The following PRTG variants were observed in gnomAD, a reference collection of about 807,000 sequenced individuals.
PRTG encodes protogenin.
PRTG carries 67 observed loss-of-function variants against 122.5 expected under a neutral mutation model. The observed-to-expected ratio is 0.55, with a 90% CI of 0.45 to 0.67. PRTG has a LOEUF of 0.67. Among genes scored for constraint, PRTG ranks in the 30% least tolerant of loss-of-function variants. The pLI, the probability that PRTG is intolerant of heterozygous loss-of-function variation, is 0.00. For missense variants in PRTG, 1,435 were observed against 1,415.4 expected (o/e 1.01, Z -0.22); for synonymous variants, 554 against 501.1 (o/e 1.11, Z -1.41).
At position 55,725,413 on chromosome 15, in the gene PRTG, A is replaced by G. The variant is rs139694284; in HGVS notation, c.397+14969T>C. Among the ~76,000 whole-genome samples, 132 of 152,246 alleles carry G rather than the reference A, an allele frequency of 8.7e-4. 1 individual carries two copies. The highest frequency in any genetic ancestry group is 2.9e-3 in the African/African-American group (122 of 41,548). On this transcript the variant is annotated intron_variant, in intron 2 of 19. Transcript: ENST00000389286. ...GTATAAGGTAAGCCTAGGCAACAAA[A>G]TAAGACCTTATCTCTATAAAAAATA... is the stretch of plus-strand genomic sequence containing the variant.
At chr15:55,676,992 G>A (rs1442306873) in intron 8 of PRTG, among the ~76,000 whole-genome samples, 5 of 152,076 alleles carry the variant, frequency 3.3e-5, no homozygotes, top group Non-Finnish European at 7.4e-5. Flanking sequence ...CCCATCCTTA[G>A]GTGTTTGAAT....
At chr15:55,663,607 T>C (rs1017195354) in intron 11 of PRTG, among the ~76,000 whole-genome samples, 3 of 151,734 alleles carry the variant, frequency 2.0e-5, no homozygotes, top group Non-Finnish European at 2.9e-5. Flanking sequence ...AATGGCGCTA[T>C]CTCAGCTCAC....
At chr15:55,669,807 G>C (rs1354233815) in intron 11 of PRTG, among the ~76,000 whole-genome samples, 3 of 152,170 alleles carry the variant, frequency 2.0e-5, no homozygotes, top group Non-Finnish European at 2.9e-5. Flanking sequence ...AGCTGCAAGA[G>C]GTCTCTGTTA....
chr15:55,703,198 A>G (rs2029957708), intron 2 of PRTG, among the ~76,000 whole-genome samples: 1 of 152,196 alleles, frequency 6.6e-6, no homozygotes, highest in Non-Finnish European at 1.5e-5. Flanking sequence ...TTTTACCACT[A>G]TTGAGTGCTA....
chr15:55,654,520 G>C (rs903833937), intron 11 of PRTG, among the ~76,000 whole-genome samples: 1 of 152,166 alleles, frequency 6.6e-6, no homozygotes, highest in South Asian at 2.1e-4. Flanking sequence ...GTTTAAAGTT[G>C]TTACATCAGA....
intron 13 of PRTG, among the ~76,000 whole-genome samples, chr15:55,639,421 G>A (rs2059277036): frequency 6.6e-6 from 1 of 152,152 alleles, no homozygotes; most frequent in Non-Finnish European, 1.5e-5. Flanking sequence ...ATGAGGCAAG[G>A]AAAATTTAAA....
At chr15:55,717,423 A>G (rs2030639413) in intron 2 of PRTG, among the ~76,000 whole-genome samples, 1 of 152,216 alleles carries the variant, frequency 6.6e-6, no homozygotes, top group South Asian at 2.1e-4. Flanking sequence ...CCTCTCCAGT[A>G]ATTCTACGCA....
chr15:55,730,982 G>A (rs1328808824), intron 2 of PRTG, among the ~76,000 whole-genome samples: 1 of 152,154 alleles, frequency 6.6e-6, no homozygotes, highest in East Asian at 1.9e-4. Context: ...GATATTGCAA[G>A]TGAAAGTAGG....
At chr15:55,640,949 CAACA>C (rs902180032) in intron 12 of PRTG, among the ~76,000 whole-genome samples, 160 bp downstream of exon 12, 29 of 151,694 alleles carry the variant, frequency 1.9e-4, no homozygotes, top group African/African-American at 6.8e-4. Context: ...ACCCGGGAGG[CAACA>C]AACAAACAAA....
At chr15:55,726,271 T>C (rs1185903393) in intron 2 of PRTG, among the ~76,000 whole-genome samples, 2 of 152,058 alleles carry the variant, frequency 1.3e-5, no homozygotes, top group Non-Finnish European at 2.9e-5. Context: ...GAGATGGGGT[T>C]TCACCTTGTG....
intron 1 of PRTG, 99 bp from the exon 2 acceptor site, chr15:55,740,783 A>G (rs2031584939): frequency 4.0e-6 from 4 of 994,006 alleles, no homozygotes; most frequent in Middle Eastern, 2.5e-4. Context: ...GTATGAGATG[A>G]CGAAGTTTAA....
chr15:55,658,982 C>A (rs1382905991), intron 11 of PRTG, among the ~76,000 whole-genome samples: 1 of 152,188 alleles, frequency 6.6e-6, no homozygotes, highest in East Asian at 1.9e-4. Context: ...GTGCTGCCTA[C>A]TGTGTGCACA....
chr15:55,643,889 G>T (rs2059306211), intron 11 of PRTG, among the ~76,000 whole-genome samples: 1 of 151,780 alleles, frequency 6.6e-6, no homozygotes, highest in Admixed American at 6.6e-5. Context: ...TTGGACACTG[G>T]GTCTCACTCT....
At chr15:55,718,502 A>G (rs1262649095) in intron 2 of PRTG, among the ~76,000 whole-genome samples, 3 of 151,584 alleles carry the variant, frequency 2.0e-5, no homozygotes, top group African/African-American at 7.3e-5. Context: ...TTTGACGGTA[A>G]TTTTCCTTTA....
chr15:55,742,998 C>T lies in PRTG; in HGVS notation c.-67G>A, dbSNP rs991017537. 7.2e-7 allele frequency: 1 copy of T among 1,386,878 alleles called. No individual in the cohort carries two copies. The highest frequency in any genetic ancestry group is 9.3e-7 in the Non-Finnish European group (1 of 1,075,356). The allele number at this position is 1,386,878 out of a possible 1,614,324, so 85.9% of individuals were successfully genotyped here. ...CCCTGTCCGTCTGCGGCCCCCGCCC[C>T]GGGCGCTCTCTGCTCTGCGGCTGGT... On this transcript the variant is annotated 5_prime_UTR_variant, in exon 1 of 20. Transcript: ENST00000389286.
chr15:55,669,999 G>A (rs1341502637), intron 11 of PRTG, among the ~76,000 whole-genome samples: 2 of 152,118 alleles, frequency 1.3e-5, no homozygotes, highest in Non-Finnish European at 2.9e-5. Flanking sequence ...ACAAGGGCAG[G>A]AATATATGAT....
At chr15:55,738,049 C>CACA (rs1291694386) in intron 2 of PRTG, among the ~76,000 whole-genome samples, 5 of 99,310 alleles carry the variant, frequency 5.0e-5, no homozygotes, top group African/African-American at 1.6e-4. Flanking sequence ...CACACACACA[C>CACA]ACCACACACA....
rs561201551 is a variant in PRTG at position 55,626,657 on chromosome 15, C to T, written c.2927+351G>A. 1.3e-4 allele frequency among the ~76,000 whole-genome samples: 19 copies of T among 151,000 alleles called. No homozygotes were observed. In the South Asian group the frequency reaches 2.9e-3, roughly 23 times the overall value. ...CCTGGAGTCCCAGCTACTCGAGAGA[C>T]TGAGGCAGGAGAATGGCATGAACCT... On this transcript the variant is annotated intron_variant, in intron 17 of 19. Coordinates refer to ENST00000389286, the MANE Select transcript of PRTG (RefSeq NM_173814.6).
intron 2 of PRTG, among the ~76,000 whole-genome samples, chr15:55,723,387 T>C (rs1257325643): frequency 3.0e-5 from 4 of 131,922 alleles, no homozygotes; most frequent in Non-Finnish European, 4.8e-5. Context: ...AAGACTATAA[T>C]GATCTAAAAA....
Sources: gnomAD v4.1 joint callset for allele counts (sites outside exome capture counted in the v4.1 genomes callset) on GRCh38, gnomAD v4.1.1 for gene constraint, MANE v1.5 for transcripts, NCBI Gene and HGNC (gene_info 2026-07-23, HGNC 2026-07-21) for gene names.